The following SGCD variants were observed in gnomAD, a reference collection of about 807,000 sequenced individuals.
The protein encoded by SGCD is sarcoglycan delta, also known as delta-sarcoglycan.
In SGCD, 18 loss-of-function variants were observed where a neutral mutation model predicts 36.6. The observed-to-expected ratio is 0.49, with a 90% CI of 0.34 to 0.73. The LOEUF (loss-of-function observed/expected upper bound fraction) is 0.73. Among genes scored for constraint, SGCD ranks in the 30% least tolerant of loss-of-function variants. The pLI is 0.01. For missense variants in SGCD, 387 were observed against 346.7 expected (o/e 1.12, Z -0.92); for synonymous variants, 133 against 130.6 (o/e 1.02, Z -0.12).
At chr5:156,509,686 A>G (rs1219983419) in intron 4 of SGCD, among the ~76,000 whole-genome samples, 1 of 152,218 alleles carries the variant, frequency 6.6e-6, no homozygotes, top group African/African-American at 2.4e-5. Context: ...TCTGTTAACC[A>G]TTATTTCCTA....
At chr5:156,061,919 C>CTTTTTTT (rs757769130) in intron 1 of SGCD, among the ~76,000 whole-genome samples, 57 of 71,754 alleles carry the variant, frequency 7.9e-4, no homozygotes, top group African/African-American at 1.3e-3. Context: ...GGAGTTTTCA[C>CTTTTTTT]TTTTTTTTTT....
At chr5:156,579,543 G>T (rs1360952890) in intron 4 of SGCD, among the ~76,000 whole-genome samples, 2 of 152,138 alleles carry the variant, frequency 1.3e-5, no homozygotes, top group African/African-American at 2.4e-5. Flanking sequence ...TTGTGTGGGA[G>T]TCTAATTCTC....
chr5:155,816,626 T>C, the SGCD span, among the ~76,000 whole-genome samples: 227 of 152,164 alleles, frequency 1.5e-3, no homozygotes, highest in Non-Finnish European at 8.1e-4. Flanking sequence ...TTGGGTATAG[T>C]GATAGTAAAT....
intron 3 of SGCD, among the ~76,000 whole-genome samples, chr5:156,406,815 TATATACAC>T (rs1241991741): frequency 7.2e-5 from 8 of 110,972 alleles, no homozygotes; most frequent in Non-Finnish European, 1.1e-4. Flanking sequence ...TATATATATA[TATATACAC>T]ACACACACAC....
In SGCD at chr5:156,430,204, C is replaced by A. The variant is rs545585137; in HGVS notation, c.193-78397C>A. On this transcript the variant is annotated intron_variant, in intron 3 of 8. Transcript: ENST00000337851. ...TTCCATATTTCATGGATACTTTGTT[C>A]AGTTTTTAAAACTCTTTTTTCTTTA... 1.2e-3 allele frequency among the ~76,000 whole-genome samples: 180 copies of A among 152,164 alleles called. 1 individual carries two copies. The highest frequency in any genetic ancestry group is 3.8e-3 in the African/African-American group (160 of 41,566).
chr5:155,740,058 G>A, the SGCD span, among the ~76,000 whole-genome samples: 1 of 152,140 alleles, frequency 6.6e-6, no homozygotes, highest in East Asian at 1.9e-4. Flanking sequence ...GCATCCAAAT[G>A]TTTGAAATGC....
At chr5:155,886,193 T>C (rs375499778) in intron 1 of SGCD, among the ~76,000 whole-genome samples, 22 of 152,216 alleles carry the variant, frequency 1.4e-4, no homozygotes, top group East Asian at 3.9e-4. Flanking sequence ...AGAGGTAACG[T>C]TGAAAAAATA....
At chr5:156,237,537 A>G (rs1239533793) in intron 3 of SGCD, among the ~76,000 whole-genome samples, 1 of 152,178 alleles carries the variant, frequency 6.6e-6, no homozygotes, top group East Asian at 1.9e-4. Context: ...AGGTGGATGA[A>G]TCGGTTGAAA....
At chr5:156,583,479 A>G (rs1171964693) in intron 4 of SGCD, among the ~76,000 whole-genome samples, 1 of 152,080 alleles carries the variant, frequency 6.6e-6, no homozygotes, top group African/African-American at 2.4e-5. Flanking sequence ...TCAGGTTGCT[A>G]TTGTTTCTTA....
the SGCD span, among the ~76,000 whole-genome samples, chr5:155,823,433 C>T: frequency 6.6e-6 from 1 of 151,902 alleles, no homozygotes; most frequent in Non-Finnish European, 1.5e-5. Context: ...TATACTGACT[C>T]TACTGATTCA....
chr5:156,092,526 T>G (rs1761269425), intron 1 of SGCD, among the ~76,000 whole-genome samples: 1 of 152,228 alleles, frequency 6.6e-6, no homozygotes, highest in South Asian at 2.1e-4. Context: ...TGTGCCAATT[T>G]TTGAACCCTT....
chr5:156,151,084 A>C (rs1173556272), intron 3 of SGCD, among the ~76,000 whole-genome samples: 6 of 151,782 alleles, frequency 4.0e-5, no homozygotes, highest in Admixed American at 3.9e-4. Context: ...ACATTAATAT[A>C]AATCTAGATA....
intron 1 of SGCD, among the ~76,000 whole-genome samples, chr5:156,058,920 GTCTA>G (rs770806937): frequency 1.4e-5 from 2 of 145,236 alleles, no homozygotes; most frequent in Non-Finnish European, 3.1e-5. Flanking sequence ...TTCTGTACTG[GTCTA>G]TCTATTTTTG....
chr5:156,437,008 C>A (rs1753273594), intron 3 of SGCD, among the ~76,000 whole-genome samples: 2 of 152,110 alleles, frequency 1.3e-5, no homozygotes, highest in South Asian at 4.1e-4. Context: ...TTCAAATCCT[C>A]TGTGTCCCAT....
At chr5:156,277,151 T>C (rs1766338980) in intron 3 of SGCD, among the ~76,000 whole-genome samples, 1 of 152,196 alleles carries the variant, frequency 6.6e-6, no homozygotes, top group Non-Finnish European at 1.5e-5. Flanking sequence ...GTTAAAGGGA[T>C]GGAGAGTGAG....
At chr5:156,122,334 G>C (rs1762062497) in intron 2 of SGCD, among the ~76,000 whole-genome samples, 1 of 152,122 alleles carries the variant, frequency 6.6e-6, no homozygotes, top group Non-Finnish European at 1.5e-5. Flanking sequence ...TTTATTGGGG[G>C]ATGACAGATA....
chr5:156,435,677 A>G (rs960150023), intron 3 of SGCD, among the ~76,000 whole-genome samples: 7 of 152,158 alleles, frequency 4.6e-5, no homozygotes, highest in Non-Finnish European at 7.4e-5. Flanking sequence ...CCTGTTATTA[A>G]TACTATGATA....
rs1475147711 is a variant in SGCD at position 156,058,349 on chromosome 5, TG to T, written c.-281-59526del. ...AGAATAAAGCTGAAGTGAGAGGGAG[TG>T]GGATACCTCACATTAAAAGAGATTT... is the stretch of plus-strand genomic sequence containing the variant. On this transcript the variant is annotated intron_variant, in intron 1 of 9. Coordinates refer to the SGCD transcript ENST00000517913. 2.1e-5 allele frequency among the ~76,000 whole-genome samples: 3 copies of T among 146,004 alleles called. No homozygotes were observed. The East Asian group carries it at 5.8e-4, about 28-fold the overall frequency.
chr5:156,416,274 C>A (rs1005392387), intron 3 of SGCD, among the ~76,000 whole-genome samples: 1 of 152,122 alleles, frequency 6.6e-6, no homozygotes, highest in Non-Finnish European at 1.5e-5. Context: ...GAATGGAAAA[C>A]CAAACATTGT....
Sources: gnomAD v4.1 joint callset for allele counts (sites outside exome capture counted in the v4.1 genomes callset) on GRCh38, gnomAD v4.1.1 for gene constraint, MANE v1.5 for transcripts, NCBI Gene and HGNC (gene_info 2026-07-23, HGNC 2026-07-21) for gene names.